Variants in QTMAN observed in about 807,000 individuals in gnomAD.
QTMAN encodes tRNA-queuosine alpha-mannosyltransferase.
chr2:144,198,896 T>A, the QTMAN span, among the ~76,000 whole-genome samples: 1 of 152,240 alleles, frequency 6.6e-6, no homozygotes, highest in South Asian at 2.1e-4. Context: ...TTTCCAAACA[T>A]TTCTCTATTT....
the QTMAN span, among the ~76,000 whole-genome samples, chr2:144,286,368 AG>A: frequency 3.3e-5 from 5 of 152,218 alleles, no homozygotes; most frequent in African/African-American, 4.8e-5. Context: ...AGTAAGTTAA[AG>A]AATTTAGTGG....
chr2:144,060,781 T>C, the QTMAN span, among the ~76,000 whole-genome samples: 7 of 152,328 alleles, frequency 4.6e-5, no homozygotes, highest in South Asian at 1.5e-3. Flanking sequence ...CTTTCAAAAA[T>C]ACTGACTCCA....
the QTMAN span, among the ~76,000 whole-genome samples, chr2:143,972,633 T>C: frequency 5.9e-5 from 9 of 152,322 alleles, no homozygotes; most frequent in African/African-American, 1.9e-4. Context: ...CCTGCCGTAT[T>C]CTTTAGCTAT....
the QTMAN span, among the ~76,000 whole-genome samples, chr2:144,084,569 T>C: frequency 6.6e-6 from 1 of 152,230 alleles, no homozygotes; most frequent in East Asian, 1.9e-4. Context: ...GAACCCATGA[T>C]GCTTGTCCGC....
the QTMAN span, among the ~76,000 whole-genome samples, chr2:143,991,559 T>G: frequency 7.7e-6 from 1 of 129,146 alleles, no homozygotes; most frequent in Admixed American, 7.6e-5. Flanking sequence ...GGGAGGGAGG[T>G]GGGGGGGTCA....
the QTMAN span, among the ~76,000 whole-genome samples, chr2:144,219,968 G>T: frequency 6.6e-6 from 1 of 152,206 alleles, no homozygotes; most frequent in Admixed American, 6.5e-5. Context: ...TTTTTTGAAG[G>T]AGTTCTTTTT....
At chr2:144,139,601 CA>C in the QTMAN span, among the ~76,000 whole-genome samples, 2 of 151,994 alleles carry the variant, frequency 1.3e-5, no homozygotes, top group African/African-American at 2.4e-5. Context: ...ATATTCAATA[CA>C]TATAATGAAA....
At chr2:144,252,082 A>G in the QTMAN span, among the ~76,000 whole-genome samples, 2 of 152,092 alleles carry the variant, frequency 1.3e-5, no homozygotes, top group African/African-American at 4.8e-5. Flanking sequence ...TAATGGACAT[A>G]TAAGCAGGCC....
the QTMAN span, among the ~76,000 whole-genome samples, chr2:144,133,587 C>G: frequency 5.9e-5 from 7 of 118,586 alleles, no homozygotes; most frequent in Non-Finnish European, 1.0e-4. Context: ...AATATAAATA[C>G]AAATATATAT....
chr2:143,991,922 C>T, the QTMAN span, among the ~76,000 whole-genome samples: 1 of 150,514 alleles, frequency 6.6e-6, no homozygotes, highest in South Asian at 2.1e-4. Flanking sequence ...GGGGGTCAGC[C>T]CCCCGCCCGG....
At chr2:144,318,675 A>C in the QTMAN span, among the ~76,000 whole-genome samples, 15 of 152,222 alleles carry the variant, frequency 9.9e-5, no homozygotes, top group African/African-American at 3.4e-4. Context: ...TGGCAGTGGC[A>C]CACTGAAAAA....
chr2:144,313,724 T>C, the QTMAN span, among the ~76,000 whole-genome samples: 3 of 151,824 alleles, frequency 2.0e-5, no homozygotes, highest in African/African-American at 7.2e-5. Flanking sequence ...AATAACTGCA[T>C]ATCTACTTAT....
chr2:144,044,778 A>T, the QTMAN span, among the ~76,000 whole-genome samples: 1 of 152,232 alleles, frequency 6.6e-6, no homozygotes, highest in Non-Finnish European at 1.5e-5. Context: ...AATAAATGAT[A>T]CAGATGTACT....
the QTMAN span, among the ~76,000 whole-genome samples, chr2:144,052,707 G>A: frequency 2.0e-5 from 3 of 151,906 alleles, no homozygotes; most frequent in African/African-American, 4.8e-5. Flanking sequence ...ACTGGAGTGC[G>A]GTGGCACGAT....
the QTMAN span, among the ~76,000 whole-genome samples, chr2:144,071,365 A>T: frequency 1.3e-5 from 2 of 152,166 alleles, no homozygotes; most frequent in African/African-American, 2.4e-5. Context: ...TTTATTGTGT[A>T]AATTATGTGA....
the QTMAN span, chr2:143,951,004 A>T: frequency 6.6e-6 from 1 of 151,944 alleles, no homozygotes; most frequent in African/African-American, 2.4e-5. Flanking sequence ...CTTGAAGTTT[A>T]ACTGTTTCCT....
the QTMAN span, among the ~76,000 whole-genome samples, chr2:144,115,028 A>C: frequency 1.3e-5 from 2 of 152,096 alleles, no homozygotes; most frequent in Non-Finnish European, 2.9e-5. Context: ...CAGGAGTTTG[A>C]GACTAGCCTG....
At chr2:144,301,724 C>A in the QTMAN span, among the ~76,000 whole-genome samples, 1 of 152,172 alleles carries the variant, frequency 6.6e-6, no homozygotes, top group African/African-American at 2.4e-5. Context: ...TGCCCACATG[C>A]TTTCTGGAGG....
the QTMAN span, among the ~76,000 whole-genome samples, chr2:144,248,661 C>T: frequency 6.6e-6 from 1 of 151,912 alleles, no homozygotes; most frequent in Non-Finnish European, 1.5e-5. Context: ...TCAGTGTAGG[C>T]TGAATGGGAT....
Sources: allele counts gnomAD v4.1 joint callset (sites outside exome capture counted in the v4.1 genomes callset), GRCh38; gene constraint gnomAD v4.1.1; transcripts MANE v1.5; gene names NCBI Gene and HGNC (gene_info 2026-07-23, HGNC 2026-07-21).